SLC25A21: variants seen among roughly 807,000 people sequenced by gnomAD.
SLC25A21 encodes solute carrier family 25 member 21.
Under a neutral mutation model 43.8 loss-of-function variants are expected in SLC25A21, and 47 were observed. That is an observed-to-expected ratio of 1.07 (90% CI 0.85 to 1.37). The LOEUF is 1.37. Among genes scored for constraint, SLC25A21 ranks in the 40% most tolerant of loss-of-function variants. The pLI, the probability that SLC25A21 is intolerant of heterozygous loss-of-function variation, is 0.00. For synonymous variants in SLC25A21, 131 were observed against 121.3 expected, an observed-to-expected ratio of 1.08 and a Z score of -0.52; for missense variants, 352 against 350.2, an observed-to-expected ratio of 1.00 and a Z score of -0.04.
chr14:36,711,267 T>G (rs551253067), intron 7 of SLC25A21, 51 bp downstream of exon 7: 12 of 1,546,626 alleles, frequency 7.8e-6, no homozygotes, highest in Non-Finnish European at 9.8e-6. Flanking sequence ...AACGGAGCTA[T>G]CATCACTGAT....
chr14:36,821,139 G>C (rs1002585328), intron 2 of SLC25A21, among the ~76,000 whole-genome samples: 2 of 152,076 alleles, frequency 1.3e-5, no homozygotes, highest in Admixed American at 6.6e-5. Flanking sequence ...TGTACACACC[G>C]ACCTCACCAA....
intron 1 of SLC25A21, among the ~76,000 whole-genome samples, chr14:36,907,039 A>G (rs1362422982): frequency 2.0e-5 from 3 of 152,116 alleles, no homozygotes; most frequent in Non-Finnish European, 4.4e-5. Flanking sequence ...GCTTCATAGC[A>G]TTGTGTAAGA....
At chr14:37,064,560 C>A (rs1962020940) in intron 1 of SLC25A21, among the ~76,000 whole-genome samples, 2 of 152,122 alleles carry the variant, frequency 1.3e-5, no homozygotes, top group Non-Finnish European at 2.9e-5. Flanking sequence ...GATCCCCAAA[C>A]AACTGTGAAT....
intron 6 of SLC25A21, among the ~76,000 whole-genome samples, chr14:36,724,760 AT>A (rs1183104283): frequency 4.6e-5 from 7 of 152,194 alleles, no homozygotes; most frequent in African/African-American, 1.7e-4. Context: ...GCTCATTCAG[AT>A]TCAACCAAAA....
intron 2 of SLC25A21, among the ~76,000 whole-genome samples, chr14:36,869,367 G>C (rs986155121): frequency 1.3e-5 from 2 of 151,936 alleles, no homozygotes; most frequent in Non-Finnish European, 2.9e-5. Context: ...AGAGGGTGGA[G>C]CAGGAAGTAA....
At chr14:37,108,704 A>AGTGTGTGT (rs56801840) in intron 1 of SLC25A21, among the ~76,000 whole-genome samples, 6 of 149,240 alleles carry the variant, frequency 4.0e-5, no homozygotes, top group African/African-American at 1.2e-4. Context: ...AGTTTTGTTA[A>AGTGTGTGT]GTGTGTGTGT....
chr14:36,881,134 T>C (rs907994531), intron 1 of SLC25A21, among the ~76,000 whole-genome samples: 8 of 152,236 alleles, frequency 5.3e-5, no homozygotes, highest in African/African-American at 1.9e-4. Flanking sequence ...TAGTCTTACA[T>C]GACTGCTTAC....
intron 1 of SLC25A21, among the ~76,000 whole-genome samples, chr14:36,942,169 A>C (rs1445430577): frequency 1.3e-5 from 2 of 152,188 alleles, no homozygotes; most frequent in Non-Finnish European, 2.9e-5. Flanking sequence ...AAAATCACCT[A>C]GCTGTTTCTA....
At position 37,066,035 on chromosome 14, in the gene SLC25A21, C is replaced by T. The variant is rs565591463; in HGVS notation, c.70+106246G>A. Among the ~76,000 whole-genome samples the T allele has an allele frequency of 1.3e-3, 204 of 152,058 alleles. 1 individual carries two copies. Among genetic ancestry groups the T allele is most frequent in the Middle Eastern group, 3.4e-3 (1 of 294 alleles). Reference sequence around the variant, plus strand: ...GGGATATTCGTATAATCTTAAAGTGCGAACCCACAAGCTGCTTATTAGTTT... The same window carrying T: ...GGGATATTCGTATAATCTTAAAGTGTGAACCCACAAGCTGCTTATTAGTTT... On this transcript the variant is annotated intron_variant, in intron 1 of 9. Coordinates refer to ENST00000331299, the MANE Select transcript of SLC25A21 (RefSeq NM_030631.4).
intron 1 of SLC25A21, among the ~76,000 whole-genome samples, chr14:36,884,324 T>C (rs1333372453): frequency 6.6e-6 from 1 of 152,218 alleles, no homozygotes; most frequent in African/African-American, 2.4e-5. Flanking sequence ...TTTCCTTCTT[T>C]TTCAGGGCTG....
chr14:36,693,256 G>C (rs922027433), intron 7 of SLC25A21, among the ~76,000 whole-genome samples: 1 of 152,200 alleles, frequency 6.6e-6, no homozygotes, highest in African/African-American at 2.4e-5. Flanking sequence ...AGATGGATGA[G>C]AGCGTGGTTA....
chr14:36,798,160 T>C, intron 3 of SLC25A21, among the ~76,000 whole-genome samples: 1 of 152,200 alleles, frequency 6.6e-6, no homozygotes, highest in East Asian at 1.9e-4. Flanking sequence ...TAACCTCTCC[T>C]ATTCAGGTAA....
At chr14:37,044,939 T>G (rs1961555727) in intron 1 of SLC25A21, among the ~76,000 whole-genome samples, 1 of 152,236 alleles carries the variant, frequency 6.6e-6, no homozygotes, top group Non-Finnish European at 1.5e-5. Flanking sequence ...AAGAAATCTT[T>G]TCTCTTTTCA....
chr14:37,057,998 C>A (rs138267478), intron 1 of SLC25A21, among the ~76,000 whole-genome samples: 1 of 152,126 alleles, frequency 6.6e-6, no homozygotes, highest in Admixed American at 6.5e-5. Context: ...TAATCATATC[C>A]GTGCAATTTT....
At chr14:36,786,050 GGTTTGATCCTTGGGAAGCACCCTA>G (rs1887239584) in intron 3 of SLC25A21, among the ~76,000 whole-genome samples, 1 of 152,202 alleles carries the variant, frequency 6.6e-6, no homozygotes, top group Admixed American at 6.5e-5. Context: ...CCTGCCCATG[GGTTTGATCCTTGGGAAGCACCCTA>G]GTGTATAAGC....
At chr14:37,139,017 T>C (rs926095627) in intron 1 of SLC25A21, among the ~76,000 whole-genome samples, 7 of 152,122 alleles carry the variant, frequency 4.6e-5, no homozygotes, top group Admixed American at 4.6e-4. Flanking sequence ...TCAGCTCTTT[T>C]GTACTACGTG....
chr14:37,014,058 C>A (rs1256293448), intron 1 of SLC25A21, among the ~76,000 whole-genome samples: 2 of 152,084 alleles, frequency 1.3e-5, no homozygotes, highest in African/African-American at 4.8e-5. Flanking sequence ...GAACTGTGAT[C>A]TTTTTGCTGG....
intron 1 of SLC25A21, among the ~76,000 whole-genome samples, chr14:36,983,954 A>G (rs1960088250): frequency 6.6e-6 from 1 of 152,200 alleles, no homozygotes; most frequent in Admixed American, 6.5e-5. Flanking sequence ...ACACATGCAT[A>G]TAAAGACGGA....
At chr14:36,707,008 A>G (rs980563041) in intron 7 of SLC25A21, among the ~76,000 whole-genome samples, 1 of 152,204 alleles carries the variant, frequency 6.6e-6, no homozygotes, top group Non-Finnish European at 1.5e-5. Flanking sequence ...AAGGGCCAGT[A>G]TGATCTGATC....
Sources: gnomAD v4.1 joint callset for allele counts (sites outside exome capture counted in the v4.1 genomes callset) on GRCh38, gnomAD v4.1.1 for gene constraint, MANE v1.5 for transcripts, NCBI Gene and HGNC (gene_info 2026-07-23, HGNC 2026-07-21) for gene names.